Variants in PRKN observed in about 807,000 individuals in gnomAD.
PRKN encodes the protein E3 ubiquitin-protein ligase parkin.
In PRKN, 56 loss-of-function variants were observed where a neutral mutation model predicts 59.5. The ratio of observed to expected loss-of-function variants is 0.94; its 90% CI spans 0.76 to 1.18. PRKN has a LOEUF of 1.18. Ranked by LOEUF, PRKN falls within the 50% of genes most tolerant of loss-of-function variation. The pLI, the probability that PRKN is intolerant of heterozygous loss-of-function variation, is 0.00. For missense variants in PRKN, 657 were observed against 596.4 expected, an observed-to-expected ratio of 1.10 and a Z score of -1.06; for synonymous variants, 250 against 222.1, an observed-to-expected ratio of 1.13 and a Z score of -1.12.
intron 6 of PRKN, among the ~76,000 whole-genome samples, chr6:161,793,723 T>C (rs1790727884): frequency 6.6e-6 from 1 of 152,158 alleles, no homozygotes; most frequent in African/African-American, 2.4e-5. Context: ...AGATAGCTCA[T>C]GGCTCAGTGC....
chr6:161,574,609 C>T (rs1351885063), intron 7 of PRKN, among the ~76,000 whole-genome samples: 4 of 152,096 alleles, frequency 2.6e-5, no homozygotes, highest in African/African-American at 7.2e-5. Context: ...TGAGATTCAA[C>T]TTTTCCTCAT....
At chr6:161,638,916 A>G (rs942494993) in intron 7 of PRKN, among the ~76,000 whole-genome samples, 8 of 151,566 alleles carry the variant, frequency 5.3e-5, no homozygotes, top group Admixed American at 4.6e-4. Flanking sequence ...TAATTTCTGT[A>G]TTTTTAGTAC....
At chr6:162,079,209 A>C (rs1778959055) in intron 4 of PRKN, among the ~76,000 whole-genome samples, 2 of 152,124 alleles carry the variant, frequency 1.3e-5, no homozygotes, top group African/African-American at 2.4e-5. Flanking sequence ...CGGAACACGA[A>C]TTTGTAGTCT....
chr6:162,302,501 T>A (rs1485539171), intron 2 of PRKN, among the ~76,000 whole-genome samples: 2 of 152,072 alleles, frequency 1.3e-5, no homozygotes, highest in Non-Finnish European at 2.9e-5. Context: ...AAGGGAGCAC[T>A]CACTGTGGCA....
At chr6:161,609,337 T>C (rs1049681120) in intron 7 of PRKN, among the ~76,000 whole-genome samples, 1 of 152,250 alleles carries the variant, frequency 6.6e-6, no homozygotes, top group Non-Finnish European at 1.5e-5. Context: ...CTGAGAAATT[T>C]GAAGTGATAC....
intron 1 of PRKN, among the ~76,000 whole-genome samples, chr6:162,545,183 G>A (rs983524067): frequency 6.6e-6 from 1 of 151,960 alleles, no homozygotes; most frequent in African/African-American, 2.4e-5. Context: ...AGCTACTTGG[G>A]AGGCTGAGGC....
chr6:161,625,583 T>C (rs969565033), intron 7 of PRKN, among the ~76,000 whole-genome samples: 2 of 152,064 alleles, frequency 1.3e-5, no homozygotes, highest in Non-Finnish European at 2.9e-5. Context: ...CAATAAAAAA[T>C]AAAGTAGATG....
intron 5 of PRKN, among the ~76,000 whole-genome samples, chr6:162,006,118 G>A (rs528059887): frequency 2.6e-4 from 39 of 152,236 alleles, no homozygotes; most frequent in Admixed American, 1.7e-3. Context: ...AGTTATATAT[G>A]TGTGTGATTT....
Position 162,011,068 on chromosome 6 carries a change from A to T in PRKN, c.619-37651T>A, listed in dbSNP as rs371120351. On this transcript the variant is annotated intron_variant, in intron 5 of 11. Coordinates refer to ENST00000366898, the MANE Select transcript of PRKN (RefSeq NM_004562.3). The stretch of plus-strand genomic sequence containing the variant: ...TTTATAATATATATTATAATATATA[A>T]TATATTTATAATATATATTATAATA... Among the ~76,000 whole-genome samples the T allele has an allele frequency of 0.016, 131 of 8,330 alleles. 40 individuals are homozygous for T. The African/African-American group carries it at 0.18, about 11-fold the overall frequency. The allele number at this position is 8,330 out of a possible 152,430, so 5.5% of individuals were successfully genotyped here. A position where few individuals can be genotyped will look rare whatever the true frequency, so the allele number is the denominator to read the frequency against.
chr6:161,640,265 C>T (rs1004492124), intron 7 of PRKN, among the ~76,000 whole-genome samples: 12 of 152,202 alleles, frequency 7.9e-5, no homozygotes, highest in African/African-American at 2.9e-4. Context: ...ACTTGTTTCA[C>T]ATAATGAAAG....
intron 6 of PRKN, among the ~76,000 whole-genome samples, chr6:161,845,638 T>G (rs1266938567): frequency 1.3e-5 from 2 of 152,160 alleles, no homozygotes; most frequent in Non-Finnish European, 2.9e-5. Flanking sequence ...AGGATTAAAG[T>G]GGTAGCTTAG....
intron 1 of PRKN, among the ~76,000 whole-genome samples, chr6:162,462,438 C>G (rs1791219778): frequency 6.6e-6 from 1 of 152,088 alleles, no homozygotes; most frequent in Non-Finnish European, 1.5e-5. Flanking sequence ...ATGGAATTAT[C>G]AAAACATCAG....
At chr6:161,686,873 A>G (rs980658867) in intron 7 of PRKN, among the ~76,000 whole-genome samples, 13 of 152,170 alleles carry the variant, frequency 8.5e-5, no homozygotes, top group Admixed American at 7.2e-4. Flanking sequence ...ACACATCCCT[A>G]CAGTACCAGG....
At position 161,463,680 on chromosome 6, in the gene PRKN, A is replaced by G. The variant is rs200535508; in HGVS notation, c.1084-76803T>C. Reference sequence around the variant, plus strand: ...GCATGAATGAGAAATTCAATGTACTATAAGCTGGAAAGACTTGGCTGAAAC... The same window carrying G: ...GCATGAATGAGAAATTCAATGTACTGTAAGCTGGAAAGACTTGGCTGAAAC... On this transcript the variant is annotated intron_variant, in intron 9 of 11. Coordinates refer to ENST00000366898, the MANE Select transcript of PRKN (RefSeq NM_004562.3). The surrounding 1 kb of genome is among the most constrained non-coding windows in gnomAD (Gnocchi z 4.8). Among the ~76,000 whole-genome samples, 9 of 152,344 alleles carry G rather than the reference A, an allele frequency of 5.9e-5. No homozygotes were observed. The East Asian group carries it at 1.7e-3, about 29-fold the overall frequency.
chr6:161,902,562 TTA>T (rs1562378543), intron 6 of PRKN, among the ~76,000 whole-genome samples: 6 of 50,538 alleles, frequency 1.2e-4, no homozygotes, highest in African/African-American at 5.3e-4. Context: ...ATTTATTTAT[TTA>T]TTTTTTTTTT....
intron 1 of PRKN, chr6:162,569,030 G>A (rs1035773902): frequency 8.3e-5 from 58 of 697,654 alleles, no homozygotes; most frequent in Admixed American, 1.4e-4. Flanking sequence ...CCCAGATCTC[G>A]GACACATCTA....
intron 9 of PRKN, among the ~76,000 whole-genome samples, chr6:161,472,453 T>G (rs1181307741): frequency 1.3e-5 from 2 of 152,136 alleles, no homozygotes; most frequent in Non-Finnish European, 2.9e-5. Context: ...AAACTGGATA[T>G]CCACATGTAA....
chr6:162,303,751 T>C (rs1234881891), intron 2 of PRKN, among the ~76,000 whole-genome samples: 1 of 152,180 alleles, frequency 6.6e-6, no homozygotes, highest in Non-Finnish European at 1.5e-5. Context: ...TAGTTGGCTA[T>C]CTTTTGCTTA....
intron 7 of PRKN, among the ~76,000 whole-genome samples, chr6:161,608,079 C>CG (rs1371388973): frequency 6.6e-6 from 1 of 152,140 alleles, no homozygotes; most frequent in Non-Finnish European, 1.5e-5. Context: ...ACCTGGCATT[C>CG]GGGACAATGT....
Sources: gnomAD v4.1 joint callset for allele counts (sites outside exome capture counted in the v4.1 genomes callset) on GRCh38, gnomAD v4.1.1 for gene constraint, Gnocchi (gnomAD v3.1) non-coding constraint, MANE v1.5 for transcripts, NCBI Gene and HGNC (gene_info 2026-07-23, HGNC 2026-07-21) for gene names.